Variants in PLA2G4C observed in about 807,000 individuals in gnomAD.
PLA2G4C encodes cytosolic phospholipase A2 gamma.
A neutral mutation model predicts 73.8 loss-of-function variants in PLA2G4C; 64 were observed. The observed-to-expected ratio is 0.87, with a 90% CI of 0.71 to 1.07. The LOEUF is 1.07. Among genes scored for constraint, PLA2G4C ranks in the 50% least tolerant of loss-of-function variants. The probability of loss-of-function intolerance (pLI) is 0.00; values close to 1 mark genes in which losing one functional copy is unlikely to be tolerated. For synonymous variants in PLA2G4C, 254 were observed against 252.1 expected (o/e 1.01, Z -0.07); for missense variants, 622 against 665.4 (o/e 0.93, Z 0.72).
rs773341140 is a variant in PLA2G4C, at chr19:48,085,143, A to C, written c.791-31T>G. 3.3e-6 allele frequency: 5 copies of C among 1,510,684 alleles called. No homozygotes were observed. The South Asian group carries it at 5.6e-5, about 17-fold the overall frequency. 93.6% of individuals were successfully genotyped at this position (1,510,684 alleles called of 1,614,324 possible). A position where few individuals can be genotyped will look rare whatever the true frequency, so the allele number is the denominator to read the frequency against. On this transcript the variant is annotated intron_variant, in intron 9 of 16. Coordinates refer to ENST00000599921, the MANE Select transcript of PLA2G4C (RefSeq NM_003706.3). ...AAGAAAATAGCAATAAAATTCAAAC[A>C]TTCTCCATCACATGACTGTCATGTT...
rs11564652 is a variant in PLA2G4C, at chr19:48,053,215, G to A, written c.1430-68C>T. 2.9e-4 allele frequency: 384 copies of A among 1,304,828 alleles called. 1 individual carries two copies. The African/African-American group carries it at 4.7e-3, about 16-fold the overall frequency. The allele number at this position is 1,304,828 out of a possible 1,614,324, so 80.8% of individuals were successfully genotyped here. On this transcript the variant is annotated intron_variant, in intron 15 of 16. Transcript: ENST00000599921. ...TGGACAATTAATTCTGCAGATTTTT[G>A]TCTATTTACATCAGGGCTTGGCAAA...
chr19:48,070,641 G>A (rs1258116617), intron 12 of PLA2G4C, among the ~76,000 whole-genome samples: 1 of 151,964 alleles, frequency 6.6e-6, no homozygotes, highest in Non-Finnish European at 1.5e-5. Flanking sequence ...ACTAATGCAG[G>A]AACAGAAAAC....
chr19:48,099,647 G>A, intron 5 of PLA2G4C, 24 bp downstream of exon 5: 1 of 1,591,618 alleles, frequency 6.3e-7, no homozygotes, highest in Non-Finnish European at 8.6e-7. Context: ...CCCCACCCCA[G>A]GTCCCCAGCT....
At chr19:48,083,270 T>A (rs2030725109) in intron 10 of PLA2G4C, among the ~76,000 whole-genome samples, 2 of 152,152 alleles carry the variant, frequency 1.3e-5, no homozygotes, top group South Asian at 4.1e-4. Flanking sequence ...CTTGTATATT[T>A]GATGTATATT....
chr19:48,086,086 A>C (rs2030957790), intron 9 of PLA2G4C, among the ~76,000 whole-genome samples: 1 of 152,152 alleles, frequency 6.6e-6, no homozygotes, highest in Admixed American at 6.5e-5. Flanking sequence ...TTCTCCACCC[A>C]CATGGGGTGA....
intron 13 of PLA2G4C, among the ~76,000 whole-genome samples, chr19:48,064,444 A>G (rs1313002903): frequency 6.6e-6 from 1 of 151,142 alleles, no homozygotes; most frequent in Non-Finnish European, 1.5e-5. Context: ...AAAAAAAAAA[A>G]CCAAAAACCA....
At position 48,048,156 on chromosome 19, in the gene PLA2G4C, T is replaced by G; in HGVS notation, c.*187A>C. 1 of 560,306 alleles carries G rather than the reference T, an allele frequency of 1.8e-6. No individual in the cohort carries two copies. The allele number at this position is 560,306 out of a possible 1,614,324, so 34.7% of individuals were successfully genotyped here. A position where few individuals can be genotyped will look rare whatever the true frequency, so the allele number is the denominator to read the frequency against. ...ACCACCTTCAGCTCCTTGGACGCCT[T>G]CTTCTGAATGACGCTATCAAAATCA... On this transcript the variant is annotated 3_prime_UTR_variant, in exon 17 of 17. Coordinates refer to ENST00000599921, the MANE Select transcript of PLA2G4C (RefSeq NM_003706.3).
At chr19:48,056,099 G>A (rs985700606) in intron 14 of PLA2G4C, among the ~76,000 whole-genome samples, 5 of 152,074 alleles carry the variant, frequency 3.3e-5, no homozygotes, top group East Asian at 1.9e-4. Context: ...GCCTCCTTCC[G>A]TGCTGTCCTG....
At chr19:48,049,049 C>G (rs962044059) in intron 16 of PLA2G4C, among the ~76,000 whole-genome samples, 1 of 152,288 alleles carries the variant, frequency 6.6e-6, no homozygotes, top group East Asian at 1.9e-4. Flanking sequence ...GCCAGCCCCC[C>G]TTCCCCTTCC....
At position 48,098,236 on chromosome 19, in the gene PLA2G4C, A is replaced by T; in HGVS notation, c.471T>A (p.Asn157Lys). The T allele has an allele frequency of 6.2e-7, 1 of 1,613,042 alleles. No homozygotes were observed. Among genetic ancestry groups the T allele is most frequent in the South Asian group, 1.1e-5 (1 of 90,848 alleles). ...TCCCTTCTTCCACGGGCTTCTTCATATTGGACAAATGAGACTCCGGCAGCT... is the reference window on the plus strand; with the variant it reads ...TCCCTTCTTCCACGGGCTTCTTCATTTTGGACAAATGAGACTCCGGCAGCT... Reference protein sequence around the residue: ...TRELPESHLSNMKKPVEEGTL... With the variant: ...TRELPESHLSKMKKPVEEGTL... Residue 157 changes from asparagine to lysine, a missense_variant, in exon 6 of 17, where the codon AAT becomes AAA. Asn to Lys is a moderately conservative substitution (Grantham distance 94, BLOSUM62 0). Transcript: ENST00000599921.
chr19:48,079,480 T>C (rs2030396489), intron 10 of PLA2G4C, among the ~76,000 whole-genome samples: 1 of 152,184 alleles, frequency 6.6e-6, no homozygotes, highest in African/African-American at 2.4e-5. Flanking sequence ...TGTAGGAGAA[T>C]GAAACTCGAT....
intron 10 of PLA2G4C, among the ~76,000 whole-genome samples, chr19:48,083,451 CTT>C (rs56744614): frequency 0.065 from 3,764 of 58,344 alleles, 154 homozygotes; most frequent in African/African-American, 0.18. Flanking sequence ...TTTCTTTTTT[CTT>C]TTTTTTTTTT....
chr19:48,070,005 G>A (rs1407041220), intron 12 of PLA2G4C, among the ~76,000 whole-genome samples: 1 of 151,992 alleles, frequency 6.6e-6, no homozygotes, highest in Non-Finnish European at 1.5e-5. Flanking sequence ...CCTGACCTCA[G>A]GTGATTCACC....
At chr19:48,094,320 TTCA>T (rs760863924) in intron 7 of PLA2G4C, among the ~76,000 whole-genome samples, 9 of 152,348 alleles carry the variant, frequency 5.9e-5, no homozygotes, top group Non-Finnish European at 1.2e-4. Flanking sequence ...TGTGTGTTCA[TTCA>T]TCATCTCCTT....
chr19:48,049,927 G>A (rs1198404674), intron 16 of PLA2G4C, among the ~76,000 whole-genome samples: 1 of 152,114 alleles, frequency 6.6e-6, no homozygotes, highest in Non-Finnish European at 1.5e-5. Flanking sequence ...CTGATCTGTG[G>A]TACTTTTTTC....
chr19:48,107,710 C>G (rs1282246093), intron 1 of PLA2G4C, among the ~76,000 whole-genome samples: 1 of 152,168 alleles, frequency 6.6e-6, no homozygotes, highest in African/African-American at 2.4e-5. Flanking sequence ...AGAGGCCTGA[C>G]CATCTCCCTG....
chr19:48,098,713 TAAAAAAAAAAAAAAAAA>T (rs548688675), intron 5 of PLA2G4C, among the ~76,000 whole-genome samples: 95 of 30,912 alleles, frequency 3.1e-3, no homozygotes, highest in East Asian at 0.014. Context: ...ACCCTATCTC[TAAAAAAAAAAAAAAAAA>T]AAAAAAAAAA....
intron 4 of PLA2G4C, among the ~76,000 whole-genome samples, chr19:48,102,332 A>G (rs1047283260): frequency 1.3e-5 from 2 of 151,824 alleles, no homozygotes; most frequent in African/African-American, 4.8e-5. Context: ...CTCTACTAAA[A>G]ATACAAAAAT....
intron 12 of PLA2G4C, among the ~76,000 whole-genome samples, chr19:48,069,106 C>G (rs1261382775): frequency 6.6e-6 from 1 of 150,732 alleles, no homozygotes; most frequent in East Asian, 1.9e-4. Context: ...CCCACTTCAA[C>G]TTTTGTTAGG....
Sources: allele counts gnomAD v4.1 joint callset (sites outside exome capture counted in the v4.1 genomes callset), GRCh38; gene constraint gnomAD v4.1.1; transcripts MANE v1.5; gene names NCBI Gene and HGNC (gene_info 2026-07-23, HGNC 2026-07-21).